SLC27A1: variants seen among roughly 807,000 people sequenced by gnomAD.
SLC27A1 encodes long-chain fatty acid transport protein 1.
A neutral mutation model predicts 62.2 loss-of-function variants in SLC27A1; 61 were observed. The ratio of observed to expected loss-of-function variants is 0.98; its 90% confidence interval spans 0.80 to 1.21. SLC27A1 has a LOEUF of 1.21. SLC27A1 is among the 50% of genes most tolerant of loss of function. The pLI is 0.00. For synonymous variants in SLC27A1, 435 were observed against 408.6 expected (o/e 1.06, Z -0.78); for missense variants, 903 against 932.1 (o/e 0.97, Z 0.41).
intron 6 of SLC27A1, among the ~76,000 whole-genome samples, chr19:17,489,528 GA>G (rs2075275002): frequency 1.3e-5 from 2 of 152,186 alleles, no homozygotes; most frequent in Non-Finnish European, 2.9e-5. Context: ...TGCAGCTGGG[GA>G]AACTAAGGCT....
intron 7 of SLC27A1, chr19:17,499,517 C>T (rs2075386097): frequency 6.6e-6 from 1 of 151,962 alleles, no homozygotes; most frequent in Admixed American, 6.6e-5. Flanking sequence ...CTTGCCTCGG[C>T]ACCTGGGTAG....
At chr19:17,499,710 G>A (rs1196310981) in intron 7 of SLC27A1, among the ~76,000 whole-genome samples, 3 of 151,984 alleles carry the variant, frequency 2.0e-5, no homozygotes, top group Non-Finnish European at 4.4e-5. Flanking sequence ...AGACTCAGGA[G>A]GCTGAGGCAT....
upstream of SLC27A1, chr19:17,470,521 G>A (rs1323674682): frequency 7.8e-6 from 12 of 1,534,750 alleles, no homozygotes; most frequent in East Asian, 2.5e-5. Flanking sequence ...CGCGGCCTCA[G>A]CTCTCTCTGC....
At chr19:17,493,335 G>A (rs1355350690) in intron 6 of SLC27A1, among the ~76,000 whole-genome samples, 2 of 147,992 alleles carry the variant, frequency 1.4e-5, no homozygotes, top group Non-Finnish European at 3.0e-5. Context: ...GGCTGAGGCA[G>A]GAGAATCGTT....
chr19:17,500,429 C>T, intron 8 of SLC27A1, 25 bp downstream of exon 8: 1 of 1,613,076 alleles, frequency 6.2e-7, no homozygotes, highest in Non-Finnish European at 8.5e-7. Flanking sequence ...CGCATGGTCC[C>T]CACCCGGAGC....
rs777546095 is a variant in SLC27A1 at position 17,497,446 on chromosome 19, T to C, written c.1188T>C (p.Ile396=). The C allele has an allele frequency of 6.2e-7, 1 of 1,605,006 alleles. No individual in the cohort carries two copies. Among genetic ancestry groups the C allele is most frequent in the South Asian group, 1.1e-5 (1 of 89,710 alleles). Reference sequence around the variant, plus strand: ...GCGCCACCGAGTGCAACTGCAGCATTGCCAACATGGACGGCAAGGTGCACA... The same window carrying C: ...GCGCCACCGAGTGCAACTGCAGCATCGCCAACATGGACGGCAAGGTGCACA... The part of the protein sequence containing the change: ...FYGATECNCS[I]ANMDGKVGSC... Residue 396 remains isoleucine (I), a synonymous_variant, in exon 7 of 12, where the codon ATT becomes ATC. Coordinates refer to ENST00000252595, the MANE Select transcript of SLC27A1 (RefSeq NM_198580.3).
In SLC27A1 at chr19:17,485,191, C is replaced by CTTTTTTTT. The variant is rs386388659; in HGVS notation, c.168-1361_168-1354dup. ...TTCCTTTCCATTTCCTTTTTGTTTC[C>CTTTTTTTT]TTTTTTTTTTTTTTTTTTGATGGAG... On this transcript the variant is annotated intron_variant, in intron 1 of 11. Coordinates refer to ENST00000252595, the MANE Select transcript of SLC27A1 (RefSeq NM_198580.3). 1.1e-3 allele frequency among the ~76,000 whole-genome samples: 112 copies of CTTTTTTTT among 104,934 alleles called. 2 individuals are homozygous for CTTTTTTTT. Among genetic ancestry groups the CTTTTTTTT allele is most frequent in the South Asian group, 4.1e-3 (13 of 3,150 alleles). 68.8% of individuals were successfully genotyped at this position (104,934 alleles called of 152,430 possible).
Position 17,470,727 on chromosome 19 carries a change from G to C in SLC27A1, c.167+20G>C. ...CCTCTTGTGAGTGTTGCCGGGATCC[G>C]TCCAGGGCTGGGGGCGGGGCTGAGG... is the stretch of plus-strand genomic sequence containing the variant. On this transcript the variant is annotated intron_variant, in intron 1 of 11. Transcript: ENST00000252595. 6.4e-7 allele frequency: 1 copy of C among 1,564,414 alleles called. No individual in the cohort carries two copies. Among genetic ancestry groups the C allele is most frequent in the East Asian group, 2.3e-5 (1 of 43,140 alleles).
intron 7 of SLC27A1, 86 bp downstream of exon 7, chr19:17,497,550 A>C (rs2075364051): frequency 8.0e-7 from 1 of 1,246,916 alleles, no homozygotes; most frequent in Non-Finnish European, 1.1e-6. Context: ...GGATACATAA[A>C]ACAGCCTGGA....
chr19:17,485,603 G>C (rs1568414652), intron 1 of SLC27A1, among the ~76,000 whole-genome samples: 3 of 151,876 alleles, frequency 2.0e-5, no homozygotes, highest in Admixed American at 2.0e-4. Flanking sequence ...GCCAGGGCTG[G>C]TGGATTACCT....
chr19:17,473,531 G>A (rs1957183033), intron 1 of SLC27A1, among the ~76,000 whole-genome samples: 1 of 152,110 alleles, frequency 6.6e-6, no homozygotes, highest in African/African-American at 2.4e-5. Flanking sequence ...CCTCTGGTTG[G>A]TCCTTATTTT....
chr19:17,497,815 G>T (rs560930133), intron 7 of SLC27A1: 5 of 285,080 alleles, frequency 1.8e-5, no homozygotes, highest in South Asian at 1.7e-4. Flanking sequence ...CTGTTATTTT[G>T]TTGTTGTTGT....
At chr19:17,501,440 A>G (rs770019613) in intron 11 of SLC27A1, 21 bp downstream of exon 11, 8 of 1,606,864 alleles carry the variant, frequency 5.0e-6, no homozygotes, top group Non-Finnish European at 6.8e-6. Context: ...CCCCCACTCC[A>G]ATCTCTCTCT....
intron 6 of SLC27A1, among the ~76,000 whole-genome samples, chr19:17,494,790 T>C (rs960905701): frequency 1.5e-5 from 1 of 66,072 alleles, no homozygotes; most frequent in Non-Finnish European, 3.8e-5. Flanking sequence ...CGAGGATTTT[T>C]TGTTTCCAAA....
intron 3 of SLC27A1, 44 bp from the exon 4 acceptor site, chr19:17,487,416 C>A (rs1268594606): frequency 6.4e-7 from 1 of 1,551,096 alleles, no homozygotes. Flanking sequence ...AGGCCCCACC[C>A]CCCAATGCTC....
At chr19:17,491,059 G>A (rs1406922304) in intron 6 of SLC27A1, 1 of 147,256 alleles carries the variant, frequency 6.8e-6, no homozygotes, top group Non-Finnish European at 1.5e-5. Context: ...AATTTGGCCG[G>A]GCATGATGAT....
intron 7 of SLC27A1, among the ~76,000 whole-genome samples, chr19:17,499,557 G>A (rs113892579): frequency 0.054 from 8,225 of 151,712 alleles, 294 homozygotes; most frequent in African/African-American, 0.1. Context: ...TGTAATCCCA[G>A]CACTTTGGGA....
rs1235774857 is a variant in SLC27A1, at chr19:17,500,332, C to T, written c.1261C>T (p.Leu421=). The T allele has an allele frequency of 6.2e-7, 1 of 1,614,246 alleles. No homozygotes were observed. ...RILPHVYPIR[L]VKVNEDTMEL... ...CCTGCCCCACGTGTACCCCATCCGG[C>T]TGGTGAAGGTCAATGAGGACACAAT... The change falls in exon 8 of 12, where the codon CTG becomes TTG. Residue 421 remains leucine, a synonymous_variant. Transcript: ENST00000252595.
rs778270294 is a variant in SLC27A1, at chr19:17,487,051, C to A, written c.562+94C>A. The A allele has an allele frequency of 2.6e-6, 4 of 1,551,354 alleles. No homozygotes were observed. The Admixed American group carries it at 5.5e-5, about 21-fold the overall frequency. ...TGCGCCCCAGGCCTCGGAAGGCGGC[C>A]GCCCTGGACGTGGGCATGAGGTGCA... is the stretch of plus-strand genomic sequence containing the variant. On this transcript the variant is annotated intron_variant, in intron 2 of 11. Coordinates refer to ENST00000252595, the MANE Select transcript of SLC27A1 (RefSeq NM_198580.3).
Sources: gnomAD v4.1 joint callset for allele counts (sites outside exome capture counted in the v4.1 genomes callset) on GRCh38, gnomAD v4.1.1 for gene constraint, MANE v1.5 for transcripts, NCBI Gene and HGNC (gene_info 2026-07-23, HGNC 2026-07-21) for gene names.